The following TMF1 variants were observed in gnomAD, a reference collection of about 807,000 sequenced individuals.
TMF1 encodes the protein TATA element modulatory factor.
TMF1 carries 71 observed loss-of-function variants against 126.5 expected under a neutral mutation model. The ratio of observed to expected loss-of-function variants is 0.56; its 90% CI spans 0.46 to 0.68. TMF1 has a LOEUF of 0.68. Ranked by LOEUF, TMF1 falls within the 30% of genes least tolerant of loss-of-function variation. The pLI, the probability that TMF1 is intolerant of heterozygous loss-of-function variation, is 0.00. For synonymous variants in TMF1, 461 were observed against 430.5 expected (o/e 1.07, Z -0.88); for missense variants, 1,259 against 1,253.2 (o/e 1.00, Z -0.07).
intron 9 of TMF1, 32 bp from the exon 10 acceptor site, chr3:69,033,736 T>C: frequency 6.4e-7 from 1 of 1,561,628 alleles, no homozygotes; most frequent in East Asian, 2.3e-5. Flanking sequence ...TCATTACCAA[T>C]GACAGCAATA....
chr3:69,044,707 C>G lies in TMF1; in HGVS notation c.1348-112G>C, dbSNP rs1335123127. On this transcript the variant is annotated intron_variant, in intron 2 of 16. Transcript: ENST00000398559. ...AACAGCTTTATCTCATAAAAACAAT[C>G]AAGAACAGTATTAGGAACACAGAAG... The G allele has an allele frequency of 6.5e-5, 41 of 632,282 alleles. No individual in the cohort carries two copies. The South Asian group carries it at 7.8e-4, about 12-fold the overall frequency. 39.2% of individuals were successfully genotyped at this position (632,282 alleles called of 1,614,324 possible). A position where few individuals can be genotyped will look rare whatever the true frequency, so the allele number is the denominator to read the frequency against.
intron 11 of TMF1, among the ~76,000 whole-genome samples, chr3:69,028,565 A>C (rs2091782455): frequency 6.6e-6 from 1 of 152,238 alleles, no homozygotes; most frequent in South Asian, 2.1e-4. Flanking sequence ...CTTTATAAAA[A>C]TAATTTTGAG....
At chr3:69,039,102 T>A (rs1368119746) in intron 6 of TMF1, 93 bp from the exon 7 acceptor site, 1 of 1,061,714 alleles carries the variant, frequency 9.4e-7, no homozygotes, top group Non-Finnish European at 1.3e-6. Flanking sequence ...TGGAGAAAAA[T>A]ATATATTTTT....
rs769648729 is a variant in TMF1, at chr3:69,025,643, C to T, written c.2929G>A (p.Val977Ile). Reference protein sequence around the residue: ...SANGSNLYDAVRMGAGSSIIE... With the variant: ...SANGSNLYDAIRMGAGSSIIE... ...ATGCTTGATCCTGCTCCCATCCTTA[C>T]AGCATCATAAAGATTGCTTCCATTT... The change falls in exon 15 of 17, where the codon GTA becomes ATA. Residue 977 changes from valine to isoleucine, a missense_variant. Physicochemically the swap from Val to Ile is conservative, Grantham distance 29. Coordinates refer to ENST00000398559, the MANE Select transcript of TMF1 (RefSeq NM_007114.3). The T allele has an allele frequency of 2.5e-6, 4 of 1,613,940 alleles. No homozygotes were observed. The highest frequency in any genetic ancestry group is 1.3e-5 in the African/African-American group (1 of 74,936).
At chr3:69,028,380 C>G in intron 11 of TMF1, 85 bp from the exon 12 acceptor site, 8 of 803,606 alleles carry the variant, frequency 1.0e-5, no homozygotes, top group Non-Finnish European at 1.6e-5. Flanking sequence ...TTTATTAACT[C>G]CAGCTACATA....
intron 13 of TMF1, among the ~76,000 whole-genome samples, chr3:69,027,670 C>G (rs2091777330): frequency 1.4e-5 from 2 of 144,086 alleles, no homozygotes; most frequent in South Asian, 4.6e-4. Flanking sequence ...CTAACAATAG[C>G]TGATGAACTA....
At chr3:69,039,780 G>A in intron 5 of TMF1, 87 bp from the exon 6 acceptor site, 1 of 1,428,910 alleles carries the variant, frequency 7.0e-7, no homozygotes, top group Non-Finnish European at 9.4e-7. Flanking sequence ...TAACATAAAA[G>A]AACAGAATTT....
chr3:69,033,785 G>C, intron 9 of TMF1, 81 bp from the exon 10 acceptor site: 1 of 1,250,198 alleles, frequency 8.0e-7, no homozygotes, highest in Non-Finnish European at 1.1e-6. Flanking sequence ...ACTTTGAGAG[G>C]TTCCTGGAAA....
Position 69,020,087 on chromosome 3 carries a change from A to G in TMF1, c.*3090T>C. On this transcript the variant is annotated 3_prime_UTR_variant, in exon 17 of 17. Transcript: ENST00000398559. The stretch of plus-strand genomic sequence containing the variant: ...TATTAAAACAAGATAAAACATCTAC[A>G]GTTTTCTTTTTTCTTCTATTTTCTA... 1 of 152,084 alleles carries G rather than the reference A, an allele frequency of 6.6e-6. No homozygotes were observed. The highest frequency in any genetic ancestry group is 1.9e-4 in the East Asian group (1 of 5,204). 9.4% of individuals were successfully genotyped at this position (152,084 alleles called of 1,614,324 possible).
In TMF1 at chr3:69,048,297, G is replaced by A; in HGVS notation, c.408C>T (p.Ser136=). The change falls in exon 2 of 17, where the codon TCC becomes TCT. Residue 136 remains serine, a synonymous_variant. Coordinates refer to ENST00000398559, the MANE Select transcript of TMF1 (RefSeq NM_007114.3). ...GAGTTCTTGACTGGCCAATGTGCAA[G>A]GATTCATGTAAGCTGCTTTTCACTT... ...EEEVKSSLHE[S]LHIGQSRTPE... is the part of the protein sequence containing the mutation. 6.2e-7 allele frequency: 1 copy of A among 1,614,206 alleles called. No individual in the cohort carries two copies. The highest frequency in any genetic ancestry group is 8.5e-7 in the Non-Finnish European group (1 of 1,180,038).
At chr3:69,042,580 GACTT>G (rs970534048) in intron 5 of TMF1, 17 of 633,152 alleles carry the variant, frequency 2.7e-5, no homozygotes, top group Non-Finnish European at 4.4e-5. Flanking sequence ...ATTTTACAGG[GACTT>G]ACTTTTCTTT....
At chr3:69,030,274 G>A in intron 10 of TMF1, 1 of 315,082 alleles carries the variant, frequency 3.2e-6, no homozygotes, top group East Asian at 5.4e-5. Flanking sequence ...AAATGGTCCT[G>A]GAGCAACTGG....
At chr3:69,051,120 T>C (rs1242391766) in intron 1 of TMF1, among the ~76,000 whole-genome samples, 1 of 152,158 alleles carries the variant, frequency 6.6e-6, no homozygotes, top group Non-Finnish European at 1.5e-5. Flanking sequence ...CTGGGCCTCA[T>C]TTTCCTCTTA....
chr3:69,041,520 C>T (rs2091865067), intron 5 of TMF1, among the ~76,000 whole-genome samples: 1 of 152,094 alleles, frequency 6.6e-6, no homozygotes, highest in African/African-American at 2.4e-5. Context: ...GTGATTTAAG[C>T]ACAAAAACAT....
chr3:69,041,810 C>A (rs2091866491), intron 5 of TMF1, among the ~76,000 whole-genome samples: 1 of 151,948 alleles, frequency 6.6e-6, no homozygotes. Context: ...CCTCTTTATT[C>A]ATATACTTTC....
chr3:69,035,421 T>A (rs756645994), intron 8 of TMF1: 22 of 313,826 alleles, frequency 7.0e-5, no homozygotes, highest in Non-Finnish European at 1.2e-4. Flanking sequence ...ATTTGCCACA[T>A]CACACAGAAA....
Position 69,033,563 on chromosome 3 carries a change from G to C in TMF1, c.2386C>G (p.Leu796Val). Residue 796 changes from leucine to valine, a missense_variant, in exon 10 of 17, where the codon CTT becomes GTT. Transcript: ENST00000398559. ...AAGCAGTTACCAAGCCTATCAGAAA[G>C]ATTCTTCTCTAATTTCTCCCACGAC... is the stretch of plus-strand genomic sequence containing the variant. ...TSSWEKLEKN[L>V]SDRLGESQTL... The C allele has an allele frequency of 6.2e-7, 1 of 1,613,108 alleles. No individual in the cohort carries two copies. The highest frequency in any genetic ancestry group is 2.2e-5 in the East Asian group (1 of 44,832).
At chr3:69,043,011 T>G (rs563388499) in intron 4 of TMF1, 99 bp from the exon 5 acceptor site, 28 of 817,760 alleles carry the variant, frequency 3.4e-5, no homozygotes, top group Admixed American at 1.3e-4. Context: ...CATAATCACA[T>G]TTGCAATAAG....
Position 69,029,883 on chromosome 3 carries a change from G to A in TMF1, c.2526C>T (p.Asn842=), listed in dbSNP as rs1449565204. 3 of 1,614,002 alleles carry A rather than the reference G, an allele frequency of 1.9e-6. No homozygotes were observed. The highest frequency in any genetic ancestry group is 2.2e-5 in the East Asian group (1 of 44,862). ...ATTCTAGCTGGGCTTGAAATCTACTGTTTTCCTGTCTTAAAAGAGAATTCT... is the reference window on the plus strand; with the variant it reads ...ATTCTAGCTGGGCTTGAAATCTACTATTTTCCTGTCTTAAAAGAGAATTCT... ...ESQNSLLRQE[N]SRFQAQLESE... is the part of the protein sequence containing the mutation. The change falls in exon 11 of 17, where the codon AAC becomes AAT. Residue 842 remains asparagine (N), a synonymous_variant. Coordinates refer to ENST00000398559, the MANE Select transcript of TMF1 (RefSeq NM_007114.3).
Sources: allele counts gnomAD v4.1 joint callset (sites outside exome capture counted in the v4.1 genomes callset), GRCh38; gene constraint gnomAD v4.1.1; transcripts MANE v1.5; gene names NCBI Gene and HGNC (gene_info 2026-07-23, HGNC 2026-07-21).